Variants in APOBEC3B observed in about 807,000 individuals in gnomAD.
APOBEC3B encodes DNA dC->dU-editing enzyme APOBEC-3B.
APOBEC3B carries 29 observed loss-of-function variants against 53.4 expected under a neutral mutation model. The observed-to-expected ratio is 0.54, with a 90% CI of 0.40 to 0.74. The LOEUF (loss-of-function observed/expected upper bound fraction) is 0.74. Ranked by LOEUF, APOBEC3B falls within the 30% of genes least tolerant of loss-of-function variation. The pLI, the probability that APOBEC3B is intolerant of heterozygous loss-of-function variation, is 0.00. For missense variants in APOBEC3B, 347 were observed against 496.2 expected (o/e 0.70, Z 2.86); for synonymous variants, 132 against 184.8 (o/e 0.71, Z 2.32).
chr22:38,985,967 G>A lies in APOBEC3B; in HGVS notation c.330G>A (p.Glu110=), dbSNP rs1237926935. Residue 110 remains glutamate (E), a synonymous_variant, in exon 3 of 8, where the codon GAG becomes GAA. Coordinates refer to ENST00000333467, the MANE Select transcript of APOBEC3B (RefSeq NM_004900.5). ...CVAKLAEFLS[E]HPNVTLTISA... ...CGAAGCTGGCCGAATTCCTGTCTGA[G>A]CACCCCAATGTCACCCTGACCATCT... is the stretch of plus-strand genomic sequence containing the variant. The A allele has an allele frequency of 1.9e-6, 3 of 1,601,108 alleles. 1 individual carries two copies. Among genetic ancestry groups the A allele is most frequent in the Non-Finnish European group, 2.6e-6 (3 of 1,176,190 alleles).
chr22:38,987,662 T>C (rs140555883), intron 4 of APOBEC3B, among the ~76,000 whole-genome samples: 4,122 of 148,036 alleles, frequency 0.028, 366 homozygotes, highest in Non-Finnish European at 0.04. Flanking sequence ...AAATAAGTCA[T>C]TTCTTCCAAA....
Position 38,992,778 on chromosome 22 carries a change from T to A in APOBEC3B, c.*333T>A. On this transcript the variant is annotated 3_prime_UTR_variant, in exon 8 of 8. Coordinates refer to ENST00000333467, the MANE Select transcript of APOBEC3B (RefSeq NM_004900.5). ...CTTCCATAATTGTTTCCACAAACAC[T>A]AGCAAATGTGTAGATGTCTTTCCTT... 5.0e-6 allele frequency: 3 copies of A among 599,196 alleles called. No individual in the cohort carries two copies. Among genetic ancestry groups the A allele is most frequent in the Non-Finnish European group, 8.3e-6 (3 of 359,934 alleles). 37.1% of individuals were successfully genotyped at this position (599,196 alleles called of 1,614,324 possible). A position where few individuals can be genotyped will look rare whatever the true frequency, so the allele number is the denominator to read the frequency against.
intron 2 of APOBEC3B, 141 bp from the exon 3 acceptor site, chr22:38,985,671 T>C: frequency 1.3e-6 from 1 of 748,930 alleles, no homozygotes; most frequent in Non-Finnish European, 2.1e-6. Flanking sequence ...TCACTCAAAC[T>C]AAACAGGGGG....
intron 4 of APOBEC3B, among the ~76,000 whole-genome samples, chr22:38,988,726 T>TTTCTTTCC (rs1923861419): frequency 7.3e-6 from 1 of 136,136 alleles, no homozygotes; most frequent in South Asian, 2.6e-4. Flanking sequence ...TCTTTCTTTC[T>TTTCTTTCC]TTCTTTCTTT....
intron 1 of APOBEC3B, among the ~76,000 whole-genome samples, chr22:38,982,688 C>G (rs1418863476): frequency 2.0e-5 from 3 of 147,888 alleles, no homozygotes; most frequent in Non-Finnish European, 4.5e-5. Flanking sequence ...CTGCACCAGC[C>G]CAGGCCCCGT....
At chr22:38,992,006 G>C in intron 6 of APOBEC3B, 28 bp from the exon 7 acceptor site, 2 of 1,548,716 alleles carry the variant, frequency 1.3e-6, no homozygotes, top group Non-Finnish European at 1.7e-6. Context: ...CAACAGGAGC[G>C]TGACTTATCT....
rs182615703 is a variant in APOBEC3B at position 38,982,946 on chromosome 22, C to T, written c.17+476C>T. On this transcript the variant is annotated intron_variant, in intron 1 of 7. Coordinates refer to ENST00000333467, the MANE Select transcript of APOBEC3B (RefSeq NM_004900.5). ...ATGGTCTCTGAAGCACATGATAAAT[C>T]GTGTCATCCAAGGATGACTCCATGG... is the stretch of plus-strand genomic sequence containing the variant. 9.0e-3 allele frequency among the ~76,000 whole-genome samples: 1,334 copies of T among 148,668 alleles called. 87 individuals carry two copies. Among genetic ancestry groups the T allele is most frequent in the African/African-American group, 0.031 (1,275 of 40,910 alleles).
intron 1 of APOBEC3B, among the ~76,000 whole-genome samples, chr22:38,983,460 A>C (rs1229119209): frequency 6.7e-6 from 1 of 149,028 alleles, no homozygotes; most frequent in Non-Finnish European, 1.5e-5. Context: ...AGGATCCGTG[A>C]TGCAGAGGCT....
rs557348675 is a variant in APOBEC3B, at chr22:38,989,314, CCACAAAGGGAGTG to C, written c.570-142_570-130del. 3,846 of 715,220 alleles carry C rather than the reference CCACAAAGGGAGTG, an allele frequency of 5.4e-3. 122 individuals are homozygous for C. Among genetic ancestry groups the C allele is most frequent in the Non-Finnish European group, 7.0e-3 (3,264 of 467,462 alleles). The allele number at this position is 715,220 out of a possible 1,614,324, so 44.3% of individuals were successfully genotyped here. ...GTCAGAGAGAGAGGATCAGTGGCCCCCACAAAGGGAGTGGAAGCGCCTCCTCTGACAGGTGCCT... is the reference window on the plus strand; with the variant it reads ...GTCAGAGAGAGAGGATCAGTGGCCCCGAAGCGCCTCCTCTGACAGGTGCCT... On this transcript the variant is annotated intron_variant, in intron 4 of 7. Coordinates refer to ENST00000333467, the MANE Select transcript of APOBEC3B (RefSeq NM_004900.5).
intron 4 of APOBEC3B, among the ~76,000 whole-genome samples, chr22:38,987,205 A>T (rs1311389302): frequency 6.7e-6 from 1 of 148,850 alleles, no homozygotes; most frequent in Non-Finnish European, 1.5e-5. Context: ...CGCTCTGCCC[A>T]TGGGGCCTCT....
Position 38,986,044 on chromosome 22 carries a change from G to T in APOBEC3B, c.407G>T (p.Cys136Phe), listed in dbSNP as rs1923723880. Residue 136 changes from cysteine to phenylalanine, a missense_variant, in exon 3 of 8, where the codon TGC becomes TTC. Around this residue, in one of 5 missense-constraint regions of APOBEC3B, gnomAD observed 156 missense variants for 166.7 expected, o/e 0.94. Transcript: ENST00000333467. ...YWERDYRRALCRLSQAGARVT... is the reference protein window; with the variant it reads ...YWERDYRRALFRLSQAGARVT... ...GAAAGAGATTACCGAAGGGCGCTCT[G>T]CAGGCTGAGTCAGGCAGGAGCCCGC... 13 of 1,592,966 alleles carry T rather than the reference G, an allele frequency of 8.2e-6. No individual in the cohort carries two copies. Among genetic ancestry groups the T allele is most frequent in the Non-Finnish European group, 1.1e-5 (13 of 1,172,592 alleles).
At chr22:38,988,705 C>CTT (rs1923854973) in intron 4 of APOBEC3B, among the ~76,000 whole-genome samples, 1 of 125,010 alleles carries the variant, frequency 8.0e-6, no homozygotes, top group African/African-American at 3.1e-5. Context: ...TTCTTTCTTT[C>CTT]TTTCTTTCTT....
chr22:38,992,124 G>A lies in APOBEC3B; in HGVS notation c.1109G>A (p.Ser370Asn). Residue 370 changes from serine to asparagine, a missense_variant, in exon 7 of 8, where the codon AGT becomes AAT. Around this residue, in one of 5 missense-constraint regions of APOBEC3B, gnomAD observed 78 missense variants for 103.9 expected, o/e 0.75. Transcript: ENST00000333467. ...DGLEEHSQAL[S>N]GRLRAILQNQ... ...CTAGAGGAGCACAGCCAAGCCCTGA[G>A]TGGGAGGCTGCGGGCCATTCTCCAG... The A allele has an allele frequency of 6.3e-7, 1 of 1,592,818 alleles. No homozygotes were observed. Among genetic ancestry groups the A allele is most frequent in the Non-Finnish European group, 8.5e-7 (1 of 1,172,538 alleles).
At position 38,982,361 on chromosome 22, in the gene APOBEC3B, TG is replaced by T; in HGVS notation, c.-92del. 2 of 1,533,904 alleles carry T rather than the reference TG, an allele frequency of 1.3e-6. No homozygotes were observed. Among genetic ancestry groups the T allele is most frequent in the Non-Finnish European group, 8.9e-7 (1 of 1,123,002 alleles). The stretch of plus-strand genomic sequence containing the variant: ...CCTGGGAGGTCACTTTAAGGAGGGC[TG>T]TCCAACTGCAAGGACGCTGTAAGCA... On this transcript the variant is annotated 5_prime_UTR_variant, in exon 1 of 8. Coordinates refer to ENST00000333467, the MANE Select transcript of APOBEC3B (RefSeq NM_004900.5).
At chr22:38,982,599 C>T in intron 1 of APOBEC3B, 129 bp downstream of exon 1, 1 of 1,117,460 alleles carries the variant, frequency 8.9e-7, no homozygotes, top group South Asian at 1.4e-5. Context: ...GGCTCCCCTG[C>T]CACACGAATC....
rs553455612 is a variant in APOBEC3B at position 38,984,311 on chromosome 22, G to A, written c.174+80G>A. On this transcript the variant is annotated intron_variant, in intron 2 of 7. Transcript: ENST00000333467. ...GGAGAGACTGATATGGGTGAGACAG[G>A]AGGATTTATTTAGGTGCACTGGTTC... 683 of 1,477,248 alleles carry A rather than the reference G, an allele frequency of 4.6e-4. 69 individuals are homozygous for A. The South Asian group carries it at 8.6e-3, about 19-fold the overall frequency. The allele number at this position is 1,477,248 out of a possible 1,614,324, so 91.5% of individuals were successfully genotyped here.
Position 38,989,333 on chromosome 22 carries a change from G to A in APOBEC3B, c.570-124G>A, listed in dbSNP as rs1923894793. The A allele has an allele frequency of 1.5e-5, 13 of 886,100 alleles. 1 individual carries two copies. The highest frequency in any genetic ancestry group is 9.8e-5 in the East Asian group (3 of 30,530). 54.9% of individuals were successfully genotyped at this position (886,100 alleles called of 1,614,324 possible). ...TGGCCCCCACAAAGGGAGTGGAAGC[G>A]CCTCCTCTGACAGGTGCCTCAGTAT... On this transcript the variant is annotated intron_variant, in intron 4 of 7. Transcript: ENST00000333467.
rs1475336318 is a variant in APOBEC3B, at chr22:38,984,210, C to T, written c.153C>T (p.Asp51=). 1.0e-5 allele frequency: 16 copies of T among 1,591,940 alleles called. No homozygotes were observed. Among genetic ancestry groups the T allele is most frequent in the Non-Finnish European group, 1.4e-5 (16 of 1,172,272 alleles). The part of the protein sequence containing the change: ...IKRGRSNLLW[D]TGVFRGQVYF... ...GGGGCCGCTCAAATCTCCTTTGGGACACAGGGGTCTTTCGAGGCCAGGTAC... is the reference window on the plus strand; with the variant it reads ...GGGGCCGCTCAAATCTCCTTTGGGATACAGGGGTCTTTCGAGGCCAGGTAC... Residue 51 remains aspartate (D), a synonymous_variant, in exon 2 of 8, where the codon GAC becomes GAT. Coordinates refer to ENST00000333467, the MANE Select transcript of APOBEC3B (RefSeq NM_004900.5).
In APOBEC3B at chr22:38,992,700, A is replaced by G; in HGVS notation, c.*255A>G. On this transcript the variant is annotated 3_prime_UTR_variant, in exon 8 of 8. Transcript: ENST00000333467. ...ATATTCCCAGAATAGTTTTCAATGT[A>G]TTAATGAAGTGATTAATTGGCTCCA... 9.6e-7 allele frequency: 1 copy of G among 1,037,032 alleles called. No individual in the cohort carries two copies. Among genetic ancestry groups the G allele is most frequent in the African/African-American group, 1.6e-5 (1 of 61,680 alleles). The allele number at this position is 1,037,032 out of a possible 1,614,324, so 64.2% of individuals were successfully genotyped here.
Sources: gnomAD v4.1 joint callset for allele counts (sites outside exome capture counted in the v4.1 genomes callset) on GRCh38, gnomAD v4.1.1 for gene constraint, gnomAD v4.1.1 regional missense constraint, MANE v1.5 for transcripts, NCBI Gene and HGNC (gene_info 2026-07-23, HGNC 2026-07-21) for gene names.